Variants in SLC1A2 observed in about 807,000 individuals in gnomAD.
The protein encoded by SLC1A2 is excitatory amino acid transporter 2.
In SLC1A2, 15 loss-of-function variants were observed where a neutral mutation model predicts 48.8. The observed-to-expected ratio is 0.31, with a 90% confidence interval of 0.21 to 0.47. The LOEUF (loss-of-function observed/expected upper bound fraction) is 0.47, where lower values mean the gene tolerates loss of function less well. SLC1A2 is among the 20% of genes least tolerant of loss of function. The pLI, the probability that SLC1A2 is intolerant of heterozygous loss-of-function variation, is 0.99. For synonymous variants in SLC1A2, 279 were observed against 272.6 expected (o/e 1.02, Z -0.23); for missense variants, 502 against 730.5 (o/e 0.69, Z 3.61).
At chr11:35,312,918 C>A (rs555472407) in intron 3 of SLC1A2, among the ~76,000 whole-genome samples, 1 of 152,008 alleles carries the variant, frequency 6.6e-6, no homozygotes, top group Admixed American at 6.6e-5. Context: ...ATTCTATTAT[C>A]CAGGGAGATT....
rs1206293072 is a variant in SLC1A2, at chr11:35,259,640, T to C, written c.*1254A>G. The C allele has an allele frequency of 2.6e-5, 4 of 152,270 alleles. No individual in the cohort carries two copies. The highest frequency in any genetic ancestry group is 5.9e-5 in the Non-Finnish European group (4 of 68,054). 9.4% of individuals were successfully genotyped at this position (152,270 alleles called of 1,614,324 possible). On this transcript the variant is annotated 3_prime_UTR_variant, in exon 11 of 11. Transcript: ENST00000278379. ...TTGTTGCCATGTCATTGTTCAAGGC[T>C]GCCTGGACTCTGCCATAGGAATATC... is the stretch of plus-strand genomic sequence containing the variant.
At chr11:35,394,773 G>T (rs1362753751) in intron 1 of SLC1A2, among the ~76,000 whole-genome samples, 2 of 152,212 alleles carry the variant, frequency 1.3e-5, no homozygotes, top group African/African-American at 4.8e-5. Flanking sequence ...TCCCATTTCT[G>T]TTGTACTGTT....
chr11:35,279,512 T>C (rs1850552553), intron 9 of SLC1A2, among the ~76,000 whole-genome samples: 1 of 152,214 alleles, frequency 6.6e-6, no homozygotes, highest in Non-Finnish European at 1.5e-5. Context: ...CTCACACTGC[T>C]GGTAGCCTCA....
At chr11:35,420,429 G>T (rs1314655253), upstream of SLC1A2, 1 of 152,328 alleles carries the variant, frequency 6.6e-6, no homozygotes, top group Non-Finnish European at 1.5e-5. Context: ...CCCTGTGAGC[G>T]CAGAGCAGGC....
chr11:35,318,074 A>G (rs1851942884), intron 1 of SLC1A2, among the ~76,000 whole-genome samples: 1 of 152,244 alleles, frequency 6.6e-6, no homozygotes, highest in Admixed American at 6.5e-5. Flanking sequence ...AATAATAATA[A>G]TAATTCAACC....
At chr11:35,393,522 C>T (rs900121368) in intron 1 of SLC1A2, among the ~76,000 whole-genome samples, 1 of 152,198 alleles carries the variant, frequency 6.6e-6, no homozygotes, top group African/African-American at 2.4e-5. Context: ...CAGTGTGTGG[C>T]ATCTGACACC....
In SLC1A2 at chr11:35,260,739, T is replaced by C; in HGVS notation, c.*155A>G. 1 of 629,746 alleles carries C rather than the reference T, an allele frequency of 1.6e-6. No homozygotes were observed. The allele number at this position is 629,746 out of a possible 1,614,324, so 39.0% of individuals were successfully genotyped here. A position where few individuals can be genotyped will look rare whatever the true frequency, so the allele number is the denominator to read the frequency against. On this transcript the variant is annotated 3_prime_UTR_variant, in exon 11 of 11. Coordinates refer to ENST00000278379, the MANE Select transcript of SLC1A2 (RefSeq NM_004171.4). ...GACACAGCACCGTGCCTGTCATCACTGACTCACAAGAGCTCCTCTAAGCCT... is the reference window on the plus strand; with the variant it reads ...GACACAGCACCGTGCCTGTCATCACCGACTCACAAGAGCTCCTCTAAGCCT...
At chr11:35,350,484 A>C (rs1234655865) in intron 1 of SLC1A2, among the ~76,000 whole-genome samples, 1 of 152,348 alleles carries the variant, frequency 6.6e-6, no homozygotes, top group South Asian at 2.1e-4. Flanking sequence ...AAGAAGGGCT[A>C]AGGTTGTGAA....
intron 1 of SLC1A2, among the ~76,000 whole-genome samples, chr11:35,325,226 C>G (rs929254865): frequency 6.6e-6 from 1 of 152,200 alleles, no homozygotes; most frequent in South Asian, 2.1e-4. Context: ...TCTACCCACC[C>G]TCCAACCCAG....
At chr11:35,346,166 T>C (rs1853025700) in intron 1 of SLC1A2, among the ~76,000 whole-genome samples, 2 of 152,190 alleles carry the variant, frequency 1.3e-5, no homozygotes, top group South Asian at 4.1e-4. Flanking sequence ...CATCAACCCA[T>C]CATCTACATT....
intron 1 of SLC1A2, among the ~76,000 whole-genome samples, chr11:35,319,493 C>T (rs1851992114): frequency 6.6e-6 from 1 of 152,186 alleles, no homozygotes; most frequent in Non-Finnish European, 1.5e-5. Flanking sequence ...TTGCCTTCTG[C>T]TTCATTTGAA....
chr11:35,269,439 A>G (rs1404154950), intron 9 of SLC1A2, among the ~76,000 whole-genome samples: 1 of 152,192 alleles, frequency 6.6e-6, no homozygotes, highest in Admixed American at 6.5e-5. Flanking sequence ...TATGGTTGAC[A>G]CTCATTATGT....
rs549085649 is a variant in SLC1A2 at position 35,400,882 on chromosome 11, G to C, written c.17+18068C>G. Among the ~76,000 whole-genome samples, 4 of 152,318 alleles carry C rather than the reference G, an allele frequency of 2.6e-5. No individual in the cohort carries two copies. In the South Asian group the frequency reaches 8.3e-4, roughly 32 times the overall value. On this transcript the variant is annotated intron_variant, in intron 1 of 10. Transcript: ENST00000278379. ...GAGAACATGTGCCCAAGGGGGTTGG[G>C]CTATGGCTTTGTTTGTTTACACACT...
Position 35,260,733 on chromosome 11 carries a change from C to T in SLC1A2, c.*161G>A. On this transcript the variant is annotated 3_prime_UTR_variant, in exon 11 of 11. Coordinates refer to ENST00000278379, the MANE Select transcript of SLC1A2 (RefSeq NM_004171.4). ...GGCAAAGACACAGCACCGTGCCTGT[C>T]ATCACTGACTCACAAGAGCTCCTCT... 3.2e-6 allele frequency: 2 copies of T among 622,556 alleles called. No individual in the cohort carries two copies. Among genetic ancestry groups the T allele is most frequent in the East Asian group, 5.5e-5 (2 of 36,384 alleles). The allele number at this position is 622,556 out of a possible 1,614,324, so 38.6% of individuals were successfully genotyped here. A position where few individuals can be genotyped will look rare whatever the true frequency, so the allele number is the denominator to read the frequency against.
chr11:35,331,052 T>C (rs772129488), intron 1 of SLC1A2, among the ~76,000 whole-genome samples: 9 of 152,304 alleles, frequency 5.9e-5, no homozygotes, highest in Non-Finnish European at 7.4e-5. Context: ...GTGATAGACA[T>C]AGAGAGTTTC....
At chr11:35,311,276 C>A (rs577784350) in intron 4 of SLC1A2, among the ~76,000 whole-genome samples, 1 of 152,148 alleles carries the variant, frequency 6.6e-6, no homozygotes, top group Non-Finnish European at 1.5e-5. Flanking sequence ...TCTCTTGCCT[C>A]GGCCTCCCGA....
intron 1 of SLC1A2, among the ~76,000 whole-genome samples, chr11:35,352,573 A>G (rs1461882846): frequency 1.3e-5 from 2 of 152,230 alleles, no homozygotes; most frequent in Non-Finnish European, 2.9e-5. Context: ...CTGCCTCTTG[A>G]GAAAGCAGTA....
intron 6 of SLC1A2, among the ~76,000 whole-genome samples, chr11:35,293,420 TTA>T (rs1448391414): frequency 3.9e-5 from 6 of 152,222 alleles, no homozygotes. Flanking sequence ...TAAACTGATG[TTA>T]TAGTTCTATC....
At chr11:35,303,554 A>G (rs145967170) in intron 5 of SLC1A2, among the ~76,000 whole-genome samples, 120 of 152,326 alleles carry the variant, frequency 7.9e-4, no homozygotes, top group African/African-American at 2.7e-3. Context: ...GGGAGGTCAA[A>G]GAGAATCAAT....
Sources: allele counts gnomAD v4.1 joint callset (sites outside exome capture counted in the v4.1 genomes callset), GRCh38; gene constraint gnomAD v4.1.1; transcripts MANE v1.5; gene names NCBI Gene and HGNC (gene_info 2026-07-23, HGNC 2026-07-21).